The following DDR2 variants were observed in gnomAD, a reference collection of about 807,000 sequenced individuals.
DDR2 encodes the protein discoidin domain receptor tyrosine kinase 2.
In DDR2, 27 loss-of-function variants were observed where a neutral mutation model predicts 94.9. The ratio of observed to expected loss-of-function variants is 0.28; its 90% CI spans 0.21 to 0.39. The LOEUF (loss-of-function observed/expected upper bound fraction) is 0.39, where lower values mean the gene tolerates loss of function less well. DDR2 is among the 10% of genes least tolerant of loss of function. The pLI, the probability that DDR2 is intolerant of heterozygous loss-of-function variation, is 1.00. For synonymous variants in DDR2, 382 were observed against 377.2 expected (o/e 1.01, Z -0.15); for missense variants, 783 against 1,076.0 (o/e 0.73, Z 3.81).
At chr1:162,715,789 C>T (rs543787991) in intron 2 of DDR2, among the ~76,000 whole-genome samples, 57 of 152,260 alleles carry the variant, frequency 3.7e-4, no homozygotes, top group Non-Finnish European at 4.6e-4. Context: ...GTCTCTGATT[C>T]GTAGTAGAAG....
intron 2 of DDR2, among the ~76,000 whole-genome samples, chr1:162,708,545 G>C (rs559874857): frequency 1.3e-5 from 2 of 152,170 alleles, no homozygotes; most frequent in Non-Finnish European, 2.9e-5. Context: ...TCTCACTCAC[G>C]GTATTGATCA....
intron 1 of DDR2, among the ~76,000 whole-genome samples, chr1:162,641,245 G>A (rs928790487): frequency 3.3e-5 from 5 of 152,166 alleles, no homozygotes; most frequent in Admixed American, 1.3e-4. Context: ...GTATTCTCCA[G>A]TTCAGTTATG....
chr1:162,731,162 C>T (rs1662030579), intron 3 of DDR2, among the ~76,000 whole-genome samples: 1 of 152,166 alleles, frequency 6.6e-6, no homozygotes, highest in Non-Finnish European at 1.5e-5. Context: ...CTCCATCCCA[C>T]CTAGAAACAG....
Position 162,754,833 on chromosome 1 carries a change from G to A in DDR2, c.395G>A (p.Trp132Ter). The A allele has an allele frequency of 6.2e-7, 1 of 1,614,072 alleles. No homozygotes were observed. Among genetic ancestry groups the A allele is most frequent in the Non-Finnish European group, 8.5e-7 (1 of 1,179,990 alleles). The change falls in exon 5 of 18, where the codon TGG becomes TAG. Residue 132 changes from tryptophan (W) to a stop codon, truncating the protein, a stop_gained. Transcript: ENST00000367921. LOFTEE classifies it high-confidence loss of function. ...CGGGATGGCACTCGCTGGATCTCTT[G>A]GCGGAACCGTCATGGGAAACAGGTA... is the stretch of plus-strand genomic sequence containing the variant. ...YSRDGTRWISWRNRHGKQVLD... is the reference protein window; with the variant it reads ...YSRDGTRWIS
intron 3 of DDR2, among the ~76,000 whole-genome samples, chr1:162,735,998 A>C (rs943724864): frequency 6.6e-6 from 1 of 152,226 alleles, no homozygotes; most frequent in African/African-American, 2.4e-5. Flanking sequence ...GCCAGGGATG[A>C]AAGCCCAGTG....
At chr1:162,709,021 A>G (rs118143268) in intron 2 of DDR2, among the ~76,000 whole-genome samples, 2 of 152,140 alleles carry the variant, frequency 1.3e-5, no homozygotes, top group East Asian at 1.9e-4. Context: ...TTACATGTTA[A>G]CTCATTTCAT....
intron 3 of DDR2, among the ~76,000 whole-genome samples, chr1:162,729,300 ATTTTTTTT>A (rs869269032): frequency 1.5e-4 from 14 of 93,954 alleles, no homozygotes; most frequent in South Asian, 7.5e-4. Flanking sequence ...ATATATATAT[ATTTTTTTT>A]TTTTTTTTTT....
chr1:162,677,243 A>C (rs1443538438), intron 2 of DDR2, among the ~76,000 whole-genome samples: 2 of 152,128 alleles, frequency 1.3e-5, no homozygotes, highest in Non-Finnish European at 2.9e-5. Flanking sequence ...GGGTCCGGGC[A>C]GGATGCTTCC....
chr1:162,758,792 C>T (rs1663578203), intron 7 of DDR2, among the ~76,000 whole-genome samples: 1 of 152,166 alleles, frequency 6.6e-6, no homozygotes, highest in Admixed American at 6.5e-5. Flanking sequence ...CCTCAAGGGT[C>T]ACACCAATTA....
intron 17 of DDR2, 89 bp downstream of exon 17, chr1:162,778,818 G>C (rs2102207952): frequency 6.5e-7 from 1 of 1,544,468 alleles, no homozygotes. Context: ...AGTGGGCCGA[G>C]ATGGAAGACA....
At chr1:162,694,847 T>C (rs891680400) in intron 2 of DDR2, among the ~76,000 whole-genome samples, 2 of 152,228 alleles carry the variant, frequency 1.3e-5, no homozygotes, top group Non-Finnish European at 2.9e-5. Flanking sequence ...TTGAGTTTTG[T>C]TTTTGTTTTT....
chr1:162,773,202 T>C (rs1348437931), intron 13 of DDR2, among the ~76,000 whole-genome samples: 2 of 152,234 alleles, frequency 1.3e-5, no homozygotes, highest in African/African-American at 2.4e-5. Context: ...TAATATAATA[T>C]TGTTATTGAT....
chr1:162,687,442 T>C (rs1449142278), intron 2 of DDR2, among the ~76,000 whole-genome samples: 4 of 152,212 alleles, frequency 2.6e-5, no homozygotes, highest in Non-Finnish European at 4.4e-5. Flanking sequence ...TTTCCAGAAG[T>C]GACCATGGCA....
intron 2 of DDR2, among the ~76,000 whole-genome samples, chr1:162,700,897 C>T (rs1056206109): frequency 6.6e-5 from 10 of 152,144 alleles, no homozygotes; most frequent in Non-Finnish European, 1.0e-4. Flanking sequence ...GTGATTAAAC[C>T]GGTGTTTTCT....
intron 1 of DDR2, among the ~76,000 whole-genome samples, chr1:162,634,524 G>A (rs1656721865): frequency 6.6e-6 from 1 of 152,212 alleles, no homozygotes; most frequent in Non-Finnish European, 1.5e-5. Context: ...CTGGCAGTTG[G>A]TGCTGATGCT....
rs10684469 is a variant in DDR2, at chr1:162,673,608, T to TGAGAGA, written c.-28+18267_-28+18272dup. On this transcript the variant is annotated intron_variant, in intron 2 of 17. Transcript: ENST00000367921. ...GTGTGTGTGTGTATGTGTGTGTGTG[T>TGAGAGA]GAGAGAGAGAGAGAGAGAGAGAGAG... 4.5e-3 allele frequency among the ~76,000 whole-genome samples: 528 copies of TGAGAGA among 117,212 alleles called. 1 individual carries two copies. The highest frequency in any genetic ancestry group is 5.6e-3 in the Admixed American group (64 of 11,412). The allele number at this position is 117,212 out of a possible 152,430, so 76.9% of individuals were successfully genotyped here. A position where few individuals can be genotyped will look rare whatever the true frequency, so the allele number is the denominator to read the frequency against.
At chr1:162,753,231 T>C in intron 4 of DDR2, 34 bp downstream of exon 4, 1 of 1,598,846 alleles carries the variant, frequency 6.3e-7, no homozygotes, top group Non-Finnish European at 8.6e-7. Context: ...GCCCATGTTC[T>C]GGGGTTGGGC....
At chr1:162,642,536 C>T (rs147744712) in intron 1 of DDR2, among the ~76,000 whole-genome samples, 61 of 151,602 alleles carry the variant, frequency 4.0e-4, no homozygotes, top group African/African-American at 1.3e-3. Flanking sequence ...GTGATCTACC[C>T]GCCTCAGCCT....
Position 162,785,790 on chromosome 1 carries a change from A to G in DDR2, c.*5544A>G, listed in dbSNP as rs1185970062. ...AATTACTCAGACTTGTTCCTGGTGAAGTGCATTCTCTGTTTGTATACTTTT... is the reference window on the plus strand; with the variant it reads ...AATTACTCAGACTTGTTCCTGGTGAGGTGCATTCTCTGTTTGTATACTTTT... On this transcript the variant is annotated 3_prime_UTR_variant, in exon 18 of 18. Coordinates refer to ENST00000367921, the MANE Select transcript of DDR2 (RefSeq NM_006182.4). The G allele has an allele frequency of 6.6e-6, 1 of 152,244 alleles. No homozygotes were observed. The highest frequency in any genetic ancestry group is 2.1e-4 in the South Asian group (1 of 4,836). 9.4% of individuals were successfully genotyped at this position (152,244 alleles called of 1,614,324 possible).
Sources: allele counts gnomAD v4.1 joint callset (sites outside exome capture counted in the v4.1 genomes callset), GRCh38; gene constraint gnomAD v4.1.1; transcripts MANE v1.5; gene names NCBI Gene and HGNC (gene_info 2026-07-23, HGNC 2026-07-21).